The following TTN variants were observed in gnomAD, a reference collection of about 807,000 sequenced individuals.
TTN encodes the protein titin.
TTN carries 1,525 observed loss-of-function variants against 3,223.0 expected under a neutral mutation model. The observed-to-expected ratio is 0.47, with a 90% CI of 0.45 to 0.49. TTN has a LOEUF of 0.49. Among genes scored for constraint, TTN ranks in the 20% least tolerant of loss-of-function variants. TTN has a pLI of 0.00. For synonymous variants in TTN, 14,094 were observed against 15,161.0 expected (o/e 0.93, Z 5.17); for missense variants, 40,786 against 43,424.0 (o/e 0.94, Z 5.40).
At position 178,678,443 on chromosome 2, in the gene TTN, G is replaced by C. The variant is rs372841136; in HGVS notation, c.33881C>G (p.Pro11294Arg). The stretch of plus-strand genomic sequence containing the variant: ...TGCAGGTGGAGCCTCCACTTTCTTA[G>C]GAGCAGGAACTGGCACCTTCTTCTC... ...VPEKKVPVPA[P>R]KKVEAPPAKV... The change falls in exon 144 of 363, where the codon CCT becomes CGT. Residue 11294 changes from proline to arginine, a missense_variant. Pro to Arg is a moderately radical substitution (Grantham distance 103, BLOSUM62 -2). Coordinates refer to ENST00000589042, the MANE Select transcript of TTN (RefSeq NM_001267550.2). 2.1e-4 allele frequency: 331 copies of C among 1,596,418 alleles called. No homozygotes were observed. Among genetic ancestry groups the C allele is most frequent in the Non-Finnish European group, 2.6e-4 (303 of 1,171,532 alleles).
chr2:178,562,943 A>G lies in TTN; in HGVS notation c.83189T>C (p.Met27730Thr). Reference protein sequence around the residue: ...AQIEVTSSFTMLVIDNVTRFD... With the variant: ...AQIEVTSSFTTLVIDNVTRFD... ...TCTGGTAACATTATCAATCACCAAC[A>G]TTGTAAATGAGCTGGTCACCTCTAT... The change falls in exon 326 of 363, where the codon ATG becomes ACG. Residue 27730 changes from methionine (M) to threonine (T), a missense_variant. Physicochemically the swap from Met to Thr is moderately conservative, Grantham distance 81. Coordinates refer to ENST00000589042, the MANE Select transcript of TTN (RefSeq NM_001267550.2). 6.2e-7 allele frequency: 1 copy of G among 1,613,660 alleles called. No individual in the cohort carries two copies. Among genetic ancestry groups the G allele is most frequent in the Non-Finnish European group, 8.5e-7 (1 of 1,179,740 alleles).
chr2:178,674,283 TTAAA>T, intron 151 of TTN, 27 bp downstream of exon 151: 1 of 1,324,848 alleles, frequency 7.5e-7, no homozygotes, highest in Non-Finnish European at 1.1e-6. Context: ...ACCAGGAATT[TTAAA>T]TGTTCAATCC....
intron 348 of TTN, 43 bp from the exon 349 acceptor site, chr2:178,542,606 A>G (rs373121303): frequency 6.3e-7 from 1 of 1,593,716 alleles, no homozygotes; most frequent in Non-Finnish European, 8.6e-7. Flanking sequence ...TTTACTTCAA[A>G]TCAAAATTGG....
intron 37 of TTN, among the ~76,000 whole-genome samples, chr2:178,769,349 G>A (rs1054676222): frequency 1.1e-4 from 16 of 151,892 alleles, no homozygotes; most frequent in African/African-American, 3.6e-4. Context: ...GGCCTTCTGG[G>A]CCCAAGCGAT....
At chr2:178,616,651 G>A (rs751608901) in intron 256 of TTN, 21 bp from the exon 257 acceptor site, 61 of 1,611,694 alleles carry the variant, frequency 3.8e-5, no homozygotes, top group South Asian at 4.4e-5. Context: ...ATGCACTCAC[G>A]AGTCACTGTT....
rs1698120195 is a variant in TTN at position 178,548,549 on chromosome 2, T to C, written c.93077A>G (p.Lys31026Arg). The C allele has an allele frequency of 1.9e-6, 3 of 1,613,806 alleles. No individual in the cohort carries two copies. Among genetic ancestry groups the C allele is most frequent in the Non-Finnish European group, 2.5e-6 (3 of 1,179,782 alleles). Residue 31026 changes from lysine (K) to arginine (R), a missense_variant, in exon 339 of 363, where the codon AAA becomes AGA. By Grantham distance (26) the Lys-to-Arg change is conservative (BLOSUM62 2). Coordinates refer to ENST00000589042, the MANE Select transcript of TTN (RefSeq NM_001267550.2). This position sits in a 1 kb window ranked among gnomAD's most constrained non-coding sequence, Gnocchi z 4.3. ...TGTAGCAGATCCCCGGGTCACATCT[T>C]TGAAGGTAATTGGGCCAGGTGGGCC... ...TPGPPGPITFKDVTRGSATLM... is the reference protein window; with the variant it reads ...TPGPPGPITFRDVTRGSATLM...
rs1327734618 is a variant in TTN at position 178,571,994 on chromosome 2, A to C, written c.74138T>G (p.Val24713Gly). 1 of 1,613,192 alleles carries C rather than the reference A, an allele frequency of 6.2e-7. No homozygotes were observed. The highest frequency in any genetic ancestry group is 1.3e-5 in the African/African-American group (1 of 74,886). The change falls in exon 326 of 363, where the codon GTC becomes GGC. Residue 24713 changes from valine to glycine, a missense_variant. By Grantham distance (109) the Val-to-Gly change is moderately radical (BLOSUM62 -3). Coordinates refer to ENST00000589042, the MANE Select transcript of TTN (RefSeq NM_001267550.2). ...CAGGAGTTTGAAGGCTGGTGGAATG[A>C]CAAGATCTTTGGCGATCACTGGCAC... is the stretch of plus-strand genomic sequence containing the variant. ...LSVPVIAKDL[V>G]IPPAFKLLFN... is the part of the protein sequence containing the mutation.
intron 316 of TTN, 111 bp from the exon 317 acceptor site, chr2:178,580,720 G>T: frequency 1.8e-6 from 2 of 1,104,326 alleles, no homozygotes; most frequent in Non-Finnish European, 2.6e-6. Context: ...CTGATTTCTT[G>T]TTCTTTAAAA....
chr2:178,694,151 G>A (rs2073129802), intron 117 of TTN, 143 bp from the exon 118 acceptor site: 2 of 607,324 alleles, frequency 3.3e-6, no homozygotes, highest in South Asian at 4.8e-5. Context: ...GTATTGACAA[G>A]AAAACAAATC....
chr2:178,563,941 A>G lies in TTN; in HGVS notation c.82191T>C (p.Asp27397=). ...TGTAATGTGAAATATTAGCACCACC[A>G]TCTTGCAAAGGTGGGTTCCATGCCA... is the stretch of plus-strand genomic sequence containing the variant. The part of the protein sequence containing the change: ...CYLAWNPPLQ[D]GGANISHYII... The change falls in exon 326 of 363, where the codon GAT becomes GAC. Residue 27397 remains aspartate (D), a synonymous_variant. Coordinates refer to ENST00000589042, the MANE Select transcript of TTN (RefSeq NM_001267550.2). This position sits in a 1 kb window ranked among gnomAD's most constrained non-coding sequence, Gnocchi z 4.5. The G allele has an allele frequency of 1.9e-6, 3 of 1,613,680 alleles. No individual in the cohort carries two copies. The highest frequency in any genetic ancestry group is 1.7e-6 in the Non-Finnish European group (2 of 1,179,714).
intron 295 of TTN, among the ~76,000 whole-genome samples, 191 bp from the exon 296 acceptor site, chr2:178,594,837 T>C (rs2051075822): frequency 6.6e-6 from 1 of 152,108 alleles, no homozygotes; most frequent in African/African-American, 2.4e-5. Flanking sequence ...ATTTCTTCAC[T>C]TGACAGATGA....
rs1275266098 is a variant in TTN at position 178,602,314 on chromosome 2, G to A, written c.55088C>T (p.Thr18363Ile). The A allele has an allele frequency of 3.1e-6, 5 of 1,612,770 alleles. No individual in the cohort carries two copies. The highest frequency in any genetic ancestry group is 3.4e-6 in the Non-Finnish European group (4 of 1,179,320). Residue 18363 changes from threonine to isoleucine, a missense_variant, in exon 283 of 363, where the codon ACA (threonine) becomes ATA (isoleucine). Transcript: ENST00000589042. Reference sequence around the variant, plus strand: ...ATCAGTGGCAGGGATCTCCCCAGTTGTATCACTTGGTTCAGATTCACCAGC... The same window carrying A: ...ATCAGTGGCAGGGATCTCCCCAGTTATATCACTTGGTTCAGATTCACCAGC... The part of the protein sequence containing the change: ...NEAGESEPSD[T>I]TGEIPATDIQ...
chr2:178,785,629 A>G lies in TTN; in HGVS notation c.2484T>C (p.His828=), dbSNP rs1463606021. The change falls in exon 15 of 363, where the codon CAT becomes CAC. Residue 828 remains histidine (H), a synonymous_variant. Transcript: ENST00000589042. ...CTCTGTAACTTCTTACCTCATATCC[A>G]TGTTCTGTCTTAGGAACAGAAATTT... The part of the protein sequence containing the change: ...VSKISVPKTE[H]GYEASIAGSA... The G allele has an allele frequency of 6.2e-7, 1 of 1,614,080 alleles. No individual in the cohort carries two copies. The highest frequency in any genetic ancestry group is 1.1e-5 in the South Asian group (1 of 91,076).
At chr2:178,596,004 T>C (rs951769693) in intron 294 of TTN, among the ~76,000 whole-genome samples, 195 bp from the exon 295 acceptor site, 42 of 149,362 alleles carry the variant, frequency 2.8e-4, no homozygotes, top group African/African-American at 1.0e-3. Context: ...TTTTTTTTTT[T>C]TTTGAGATGG....
At position 178,705,262 on chromosome 2, in the gene TTN, G is replaced by C; in HGVS notation, c.29516C>G (p.Ala9839Gly). The part of the protein sequence containing the change: ...NVDPKEYEKY[A>G]RMYGITDFRG... ...GAAGTCAGTGATTCCATACATGCGG[G>C]CATATTTTTCATATTCTTTAGGATC... The change falls in exon 103 of 363, where the codon GCC (alanine) becomes GGC (glycine). Residue 9839 changes from alanine (A) to glycine (G), a missense_variant. Transcript: ENST00000589042. 6.2e-7 allele frequency: 1 copy of C among 1,613,524 alleles called. No individual in the cohort carries two copies. Among genetic ancestry groups the C allele is most frequent in the Non-Finnish European group, 8.5e-7 (1 of 1,179,674 alleles).
chr2:178,592,692 G>C, intron 300 of TTN, 32 bp from the exon 301 acceptor site: 7 of 1,611,662 alleles, frequency 4.3e-6, no homozygotes, highest in Non-Finnish European at 4.2e-6. Flanking sequence ...ACTCAGATTT[G>C]ATCCATAATG....
At position 178,543,548 on chromosome 2, in the gene TTN, A is replaced by G. The variant is rs1695611620; in HGVS notation, c.96425T>C (p.Val32142Ala). The part of the protein sequence containing the change: ...DGGAPVNNYI[V>A]EKREAAMRAF... Reference sequence around the variant, plus strand: ...TCTCATAGCAGCTTCACGCTTCTCAACGATGTAATTGTTGACTGGAGCTCC... The same window carrying G: ...TCTCATAGCAGCTTCACGCTTCTCAGCGATGTAATTGTTGACTGGAGCTCC... Residue 32142 changes from valine (V) to alanine (A), a missense_variant, in exon 347 of 363, where the codon GTT becomes GCT. Physicochemically the swap from Val to Ala is moderately conservative, Grantham distance 64. Coordinates refer to ENST00000589042, the MANE Select transcript of TTN (RefSeq NM_001267550.2). 3 of 1,612,124 alleles carry G rather than the reference A, an allele frequency of 1.9e-6. No individual in the cohort carries two copies. The highest frequency in any genetic ancestry group is 1.1e-5 in the South Asian group (1 of 91,060).
rs765754508 is a variant in TTN at position 178,718,966 on chromosome 2, T to C, written c.24234A>G (p.Pro8078=). The C allele has an allele frequency of 1.9e-6, 3 of 1,603,294 alleles. No individual in the cohort carries two copies. In the South Asian group the frequency reaches 3.3e-5, roughly 18 times the overall value. Residue 8078 remains proline (P), a synonymous_variant, in exon 84 of 363, where the codon CCA becomes CCG. Transcript: ENST00000589042. ...CSAVLTVQEP[P]SFEQTPDSVE... ...CAGAATCAGGGGTTTGTTCAAAAGATGGTGGTTCTAGATATTGCAAGGCGG... is the reference window on the plus strand; with the variant it reads ...CAGAATCAGGGGTTTGTTCAAAAGACGGTGGTTCTAGATATTGCAAGGCGG...
At chr2:178,679,310 T>C in intron 142 of TTN, 29 bp downstream of exon 142, 4 of 1,607,780 alleles carry the variant, frequency 2.5e-6, no homozygotes, top group Non-Finnish European at 3.4e-6. Context: ...ATTATCATGC[T>C]ATTCCACTGA....
Sources: gnomAD v4.1 joint callset for allele counts (sites outside exome capture counted in the v4.1 genomes callset) on GRCh38, gnomAD v4.1.1 for gene constraint, Gnocchi (gnomAD v3.1) non-coding constraint, MANE v1.5 for transcripts, NCBI Gene and HGNC (gene_info 2026-07-23, HGNC 2026-07-21) for gene names.